RGS5: variants seen among roughly 807,000 people sequenced by gnomAD.
RGS5 encodes regulator of G-protein signalling 5.
Under a neutral mutation model 18.9 loss-of-function variants are expected in RGS5, and 20 were observed. The observed-to-expected ratio is 1.06, with a 90% CI of 0.74 to 1.54. The LOEUF is 1.54. RGS5 is among the 40% of genes most tolerant of loss of function. The probability of loss-of-function intolerance (pLI) is 0.00; values close to 1 mark genes in which losing one functional copy is unlikely to be tolerated. For synonymous variants in RGS5, 57 were observed against 76.2 expected (o/e 0.75, Z 1.31); for missense variants, 201 against 211.8 (o/e 0.95, Z 0.32).
At chr1:163,152,739 C>T (rs777156231) in intron 3 of RGS5, 23 bp from the exon 4 acceptor site, 2 of 1,551,038 alleles carry the variant, frequency 1.3e-6, no homozygotes, top group South Asian at 2.5e-5. Flanking sequence ...AAACAGTCAG[C>T]TGGAGAAATT....
At chr1:163,152,966 A>G (rs1657435697) in intron 3 of RGS5, among the ~76,000 whole-genome samples, 1 of 99,072 alleles carries the variant, frequency 1.0e-5, no homozygotes, top group African/African-American at 2.7e-5. Context: ...CTAGAACTAG[A>G]CAGAGATTTA....
chr1:163,224,488 T>G (rs376301541), intron 2 of RGS5, among the ~76,000 whole-genome samples: 1 of 152,222 alleles, frequency 6.6e-6, no homozygotes. Flanking sequence ...ATCTTGGCTG[T>G]TACAAATAGT....
chr1:163,165,365 T>G (rs1442299386), intron 2 of RGS5, among the ~76,000 whole-genome samples: 1 of 152,224 alleles, frequency 6.6e-6, no homozygotes, highest in Non-Finnish European at 1.5e-5. Flanking sequence ...TAATATAAAA[T>G]AAGCTATATG....
At chr1:163,296,947 G>C (rs976459680) in intron 2 of RGS5, among the ~76,000 whole-genome samples, 2 of 152,108 alleles carry the variant, frequency 1.3e-5, no homozygotes, top group Non-Finnish European at 2.9e-5. Flanking sequence ...ATCTTTATTT[G>C]CAAGAGTCTT....
At chr1:163,253,455 C>G (rs1029554564) in intron 2 of RGS5, among the ~76,000 whole-genome samples, 22 of 118,976 alleles carry the variant, frequency 1.8e-4, no homozygotes, top group African/African-American at 5.4e-4. Context: ...ATTACAGGTA[C>G]ACGCCACCAT....
chr1:163,316,334 C>T (rs906531793), intron 1 of RGS5, among the ~76,000 whole-genome samples: 2 of 152,096 alleles, frequency 1.3e-5, no homozygotes, highest in African/African-American at 4.8e-5. Flanking sequence ...TTGTATATAT[C>T]GCATAATACA....
At chr1:163,263,729 G>A (rs935953507) in intron 2 of RGS5, among the ~76,000 whole-genome samples, 5 of 152,074 alleles carry the variant, frequency 3.3e-5, no homozygotes, top group South Asian at 2.1e-4. Flanking sequence ...GAAAGATTTG[G>A]TGTTTTCGGA....
intron 2 of RGS5, among the ~76,000 whole-genome samples, chr1:163,223,369 T>C (rs1485619811): frequency 6.6e-6 from 1 of 152,194 alleles, no homozygotes; most frequent in Non-Finnish European, 1.5e-5. Flanking sequence ...CACAGGATGA[T>C]AGGGTACAGA....
At chr1:163,226,508 G>C (rs1452726922) in intron 2 of RGS5, among the ~76,000 whole-genome samples, 2 of 152,128 alleles carry the variant, frequency 1.3e-5, no homozygotes, top group Non-Finnish European at 2.9e-5. Context: ...GTCTCCAAAA[G>C]AGGGCACGTT....
At chr1:163,178,645 T>G (rs1391879158) in intron 1 of RGS5, among the ~76,000 whole-genome samples, 1 of 152,110 alleles carries the variant, frequency 6.6e-6, no homozygotes, top group Non-Finnish European at 1.5e-5. Context: ...TGATAAATAA[T>G]GATGCATTTA....
intron 3 of RGS5, among the ~76,000 whole-genome samples, chr1:163,160,986 A>G (rs1322163387): frequency 1.3e-5 from 2 of 152,236 alleles, no homozygotes; most frequent in African/African-American, 2.4e-5. Context: ...CTATGAACAG[A>G]ACATAAGGCA....
intron 2 of RGS5, among the ~76,000 whole-genome samples, chr1:163,285,914 A>C (rs1649131832): frequency 6.6e-6 from 1 of 151,958 alleles, no homozygotes; most frequent in Admixed American, 6.6e-5. Context: ...AGCCGATTAT[A>C]TCTCTTTTCT....
intron 2 of RGS5, among the ~76,000 whole-genome samples, chr1:163,281,487 G>T (rs757184684): frequency 1.4e-4 from 22 of 152,054 alleles, no homozygotes; most frequent in Admixed American, 3.3e-4. Flanking sequence ...GGCCAGCCAG[G>T]CTCCTTTAAA....
chr1:163,162,844 C>T (rs7540909), intron 2 of RGS5: 44,762 of 151,974 alleles, frequency 0.29, 7,544 homozygotes, highest in East Asian at 0.46. Flanking sequence ...GCACACTCTT[C>T]GGCTCACCCA....
intron 2 of RGS5, among the ~76,000 whole-genome samples, chr1:163,253,451 G>C (rs1009542017): frequency 1.4e-5 from 2 of 142,686 alleles, no homozygotes; most frequent in Non-Finnish European, 3.1e-5. Context: ...TGGGATTACA[G>C]GTACACGCCA....
chr1:163,317,070 T>A (rs1263830365), intron 1 of RGS5, among the ~76,000 whole-genome samples: 1 of 152,202 alleles, frequency 6.6e-6, no homozygotes, highest in Non-Finnish European at 1.5e-5. Context: ...CCTCTCTTTT[T>A]GAGTTTCAGA....
chr1:163,155,580 T>C (rs1283065096), intron 3 of RGS5, among the ~76,000 whole-genome samples: 8 of 152,210 alleles, frequency 5.3e-5, no homozygotes, highest in African/African-American at 1.9e-4. Context: ...TAGCCTCTGG[T>C]TGTCTGTCAG....
intron 2 of RGS5, among the ~76,000 whole-genome samples, chr1:163,164,309 G>T (rs1455473807): frequency 6.6e-6 from 1 of 152,196 alleles, no homozygotes; most frequent in Non-Finnish European, 1.5e-5. Context: ...CAGAGGATGG[G>T]TATGGAGTTT....
chr1:163,286,888 G>A (rs1407450763), intron 2 of RGS5, among the ~76,000 whole-genome samples: 1 of 152,086 alleles, frequency 6.6e-6, no homozygotes, highest in Non-Finnish European at 1.5e-5. Context: ...TTTCTTCAGA[G>A]TAATTATACA....
Sources: gnomAD v4.1 joint callset for allele counts (sites outside exome capture counted in the v4.1 genomes callset) on GRCh38, gnomAD v4.1.1 for gene constraint, MANE v1.5 for transcripts, NCBI Gene and HGNC (gene_info 2026-07-23, HGNC 2026-07-21) for gene names.